Variants in WIPF1 observed in about 807,000 individuals in gnomAD.
WIPF1 encodes the protein WAS/WASL interacting protein family member 1, also known as WAS/WASL-interacting protein family member 1.
A neutral mutation model predicts 35.4 loss-of-function variants in WIPF1; 13 were observed. The ratio of observed to expected loss-of-function variants is 0.37; its 90% confidence interval spans 0.24 to 0.58. WIPF1 has a LOEUF of 0.58. WIPF1 is among the 20% of genes least tolerant of loss of function. The pLI is 0.74. For synonymous variants in WIPF1, 267 were observed against 266.3 expected (o/e 1.00, Z -0.02); for missense variants, 591 against 667.0 (o/e 0.89, Z 1.25).
chr2:174,575,277 G>T lies in WIPF1; in HGVS notation c.285C>A (p.Gly95=), dbSNP rs767266383. The T allele has an allele frequency of 6.2e-7, 1 of 1,613,642 alleles. No individual in the cohort carries two copies. Among genetic ancestry groups the T allele is most frequent in the East Asian group, 2.2e-5 (1 of 44,844 alleles). Residue 95 remains glycine, a synonymous_variant, in exon 4 of 8, where the codon GGC becomes GGA. Coordinates refer to ENST00000679041, the MANE Select transcript of WIPF1 (RefSeq NM_001375834.1). ...ACAATCCTCCCAGACCTGGAGGTCC[G>T]CCCCCTCCAAAACTTCCACCGCCTC... is the stretch of plus-strand genomic sequence containing the variant. ...GGGGGGSFGG[G]GPPGLGGLFQ...
chr2:174,584,835 G>A (rs780305002), intron 2 of WIPF1, among the ~76,000 whole-genome samples: 1 of 151,968 alleles, frequency 6.6e-6, no homozygotes. Flanking sequence ...TCACTTGAAC[G>A]GGAGGTGGAA....
chr2:174,584,012 A>C (rs778126829), intron 2 of WIPF1, among the ~76,000 whole-genome samples: 4 of 151,908 alleles, frequency 2.6e-5, no homozygotes, highest in Non-Finnish European at 4.4e-5. Context: ...TTTTTTGTAG[A>C]TATGGGGGTC....
chr2:174,663,478 C>A (rs1687821911), intron 1 of WIPF1, among the ~76,000 whole-genome samples: 2 of 151,894 alleles, frequency 1.3e-5, no homozygotes, highest in South Asian at 4.2e-4. Flanking sequence ...TTCCCCCCAC[C>A]CCGCCGCCCC....
At chr2:174,639,792 G>C (rs933127906) in intron 1 of WIPF1, among the ~76,000 whole-genome samples, 20 of 152,152 alleles carry the variant, frequency 1.3e-4, no homozygotes, top group African/African-American at 4.6e-4. Context: ...CCAGACCAAC[G>C]TCAAGAAGAA....
At chr2:174,654,927 C>T (rs1687610605) in intron 1 of WIPF1, among the ~76,000 whole-genome samples, 1 of 152,196 alleles carries the variant, frequency 6.6e-6, no homozygotes, top group Non-Finnish European at 1.5e-5. Flanking sequence ...GGAAGCTAAG[C>T]AGAGCTAAGA....
intron 1 of WIPF1, among the ~76,000 whole-genome samples, chr2:174,680,920 T>C (rs1688232368): frequency 6.6e-6 from 1 of 152,178 alleles, no homozygotes; most frequent in Non-Finnish European, 1.5e-5. Flanking sequence ...AGCCCATTTC[T>C]TGGATGAGAT....
intron 2 of WIPF1, among the ~76,000 whole-genome samples, chr2:174,582,881 C>T (rs1266581820): frequency 3.3e-5 from 5 of 152,242 alleles, no homozygotes; most frequent in African/African-American, 1.2e-4. Flanking sequence ...AACATATACT[C>T]TGTGCCAGGC....
intron 1 of WIPF1, among the ~76,000 whole-genome samples, chr2:174,589,164 C>T (rs1685526790): frequency 6.6e-6 from 1 of 152,238 alleles, no homozygotes; most frequent in African/African-American, 2.4e-5. Flanking sequence ...CCACCGGCCA[C>T]ACCAGGCCCA....
chr2:174,587,022 T>G (rs1559152764), intron 1 of WIPF1, among the ~76,000 whole-genome samples: 1 of 152,194 alleles, frequency 6.6e-6, no homozygotes. Flanking sequence ...AAATTTTTTT[T>G]TGGAGATGAG....
At chr2:174,644,900 T>C (rs1040901374) in intron 1 of WIPF1, among the ~76,000 whole-genome samples, 8 of 152,248 alleles carry the variant, frequency 5.3e-5, no homozygotes, top group Non-Finnish European at 1.2e-4. Context: ...TTTTAAAGCT[T>C]TGATATCACT....
At chr2:174,679,532 C>CT (rs1444147818) in intron 1 of WIPF1, among the ~76,000 whole-genome samples, 1 of 151,868 alleles carries the variant, frequency 6.6e-6, no homozygotes, top group Non-Finnish European at 1.5e-5. Context: ...CTGGCCCATG[C>CT]TTTACCCATT....
chr2:174,681,118 A>G (rs1192716380), intron 1 of WIPF1, among the ~76,000 whole-genome samples: 2 of 152,262 alleles, frequency 1.3e-5, no homozygotes, highest in African/African-American at 4.8e-5. Context: ...TACGTCACAC[A>G]ACCTCAAAGA....
At chr2:174,628,196 T>G (rs548093174) in intron 1 of WIPF1, among the ~76,000 whole-genome samples, 26 of 152,262 alleles carry the variant, frequency 1.7e-4, no homozygotes, top group African/African-American at 5.3e-4. Context: ...TTGTCCAGAA[T>G]ATACCTTTCT....
chr2:174,678,614 A>G (rs1306089372), intron 1 of WIPF1, among the ~76,000 whole-genome samples: 1 of 152,248 alleles, frequency 6.6e-6, no homozygotes, highest in Non-Finnish European at 1.5e-5. Flanking sequence ...CAGATATCTC[A>G]TGCAATCTAA....
At chr2:174,662,152 T>C (rs13420205) in intron 1 of WIPF1, among the ~76,000 whole-genome samples, 3,938 of 152,288 alleles carry the variant, frequency 0.026, 174 homozygotes, top group African/African-American at 0.09. Flanking sequence ...ATAAAACCTA[T>C]GCATATCCTT....
intron 1 of WIPF1, among the ~76,000 whole-genome samples, chr2:174,595,175 C>T (rs1163619274): frequency 1.5e-5 from 2 of 130,216 alleles, no homozygotes; most frequent in Non-Finnish European, 3.1e-5. Context: ...TCTGTAGTTC[C>T]AGCTACTTGG....
chr2:174,677,988 G>A (rs1003679081), intron 1 of WIPF1, among the ~76,000 whole-genome samples: 1 of 152,122 alleles, frequency 6.6e-6, no homozygotes, highest in Non-Finnish European at 1.5e-5. Flanking sequence ...TAAGCCTCAG[G>A]TTCCACATAA....
At chr2:174,591,661 T>G (rs896815872) in intron 1 of WIPF1, among the ~76,000 whole-genome samples, 1 of 142,294 alleles carries the variant, frequency 7.0e-6, no homozygotes, top group African/African-American at 2.7e-5. Flanking sequence ...TTACTGTTTC[T>G]TCTTTGTTGC....
At chr2:174,674,326 G>C (rs1434755503) in intron 1 of WIPF1, among the ~76,000 whole-genome samples, 1 of 152,216 alleles carries the variant, frequency 6.6e-6, no homozygotes, top group Non-Finnish European at 1.5e-5. Flanking sequence ...GGATTCAAGA[G>C]AGAAACTCAG....
Sources: allele counts gnomAD v4.1 joint callset (sites outside exome capture counted in the v4.1 genomes callset), GRCh38; gene constraint gnomAD v4.1.1; transcripts MANE v1.5; gene names NCBI Gene and HGNC (gene_info 2026-07-23, HGNC 2026-07-21).